Variants in BPIFB1 observed in about 807,000 individuals in gnomAD.
The protein encoded by BPIFB1 is BPI fold-containing family B member 1.
In BPIFB1, 34 loss-of-function variants were observed where a neutral mutation model predicts 55.1. The observed-to-expected ratio is 0.62, with a 90% CI of 0.47 to 0.82. The LOEUF is 0.82. Among genes scored for constraint, BPIFB1 ranks in the 40% least tolerant of loss-of-function variants. The pLI, the probability that BPIFB1 is intolerant of heterozygous loss-of-function variation, is 0.00. For missense variants in BPIFB1, 532 were observed against 593.1 expected (o/e 0.90, Z 1.07); for synonymous variants, 236 against 245.3 (o/e 0.96, Z 0.35).
At chr20:33,301,499 C>A in intron 9 of BPIFB1, 87 bp downstream of exon 9, 1 of 1,286,330 alleles carries the variant, frequency 7.8e-7, no homozygotes, top group Non-Finnish European at 1.1e-6. Flanking sequence ...AAGCAGGAAT[C>A]CTCCATCAGG....
At chr20:33,305,913 C>CTG in intron 13 of BPIFB1, 89 bp from the exon 14 acceptor site, 3 of 1,419,362 alleles carry the variant, frequency 2.1e-6, no homozygotes, top group Non-Finnish European at 2.0e-6. Flanking sequence ...GCCACCTCAC[C>CTG]CATGGGGAGG....
chr20:33,300,855 T>A (rs1026707937), intron 8 of BPIFB1, among the ~76,000 whole-genome samples: 3 of 152,194 alleles, frequency 2.0e-5, no homozygotes, highest in Non-Finnish European at 1.5e-5. Flanking sequence ...CCCAAAGTGC[T>A]AAGATTACAA....
Position 33,309,810 on chromosome 20 carries a change from G to C in BPIFB1, c.*43G>C. The C allele has an allele frequency of 6.4e-7, 1 of 1,560,154 alleles. No homozygotes were observed. Among genetic ancestry groups the C allele is most frequent in the Non-Finnish European group, 8.8e-7 (1 of 1,131,804 alleles). On this transcript the variant is annotated 3_prime_UTR_variant, in exon 16 of 16. Coordinates refer to ENST00000253354, the MANE Select transcript of BPIFB1 (RefSeq NM_033197.3). This position sits in a 1 kb window ranked among gnomAD's most constrained non-coding sequence, Gnocchi z 4.4. ...ATCAGGGAAGGCTGGGTCCCAGCTG[G>C]GAGTATGGGTGTGAGCTCTATAGAC...
rs1253466254 is a variant in BPIFB1, at chr20:33,299,798, C to T, written c.662-101C>T. On this transcript the variant is annotated intron_variant, in intron 7 of 15. Coordinates refer to ENST00000253354, the MANE Select transcript of BPIFB1 (RefSeq NM_033197.3). ...TATTACCTGCTCCTCCCTACCTGCCCCCCCATGCAACAGTACAGCTCCACC... is the reference window on the plus strand; with the variant it reads ...TATTACCTGCTCCTCCCTACCTGCCTCCCCATGCAACAGTACAGCTCCACC... The T allele has an allele frequency of 1.3e-5, 10 of 754,336 alleles. No individual in the cohort carries two copies. In the East Asian group the frequency reaches 2.0e-4, roughly 15 times the overall value. 46.7% of individuals were successfully genotyped at this position (754,336 alleles called of 1,614,324 possible).
chr20:33,291,612 A>G (rs758407879), intron 5 of BPIFB1, among the ~76,000 whole-genome samples: 3 of 152,116 alleles, frequency 2.0e-5, no homozygotes, highest in Non-Finnish European at 2.9e-5. Flanking sequence ...GGTGCCAAAA[A>G]ACATGGCGCC....
At chr20:33,291,200 G>A (rs1251035102) in intron 5 of BPIFB1, 94 bp downstream of exon 5, 1 of 1,470,198 alleles carries the variant, frequency 6.8e-7, no homozygotes, top group Non-Finnish European at 9.2e-7. Flanking sequence ...AGAACGCTGA[G>A]GCCTAGAGAA....
intron 7 of BPIFB1, chr20:33,298,706 G>T (rs534582061): frequency 6.5e-6 from 1 of 154,876 alleles, no homozygotes; most frequent in Admixed American, 6.5e-5. Flanking sequence ...AGTTCTGAGC[G>T]AGTGTCATTC....
chr20:33,286,087 G>A lies in BPIFB1; in HGVS notation c.14G>A (p.Trp5Ter), dbSNP rs1980257637. 1.2e-6 allele frequency: 2 copies of A among 1,614,042 alleles called. No homozygotes were observed. The highest frequency in any genetic ancestry group is 1.3e-5 in the African/African-American group (1 of 74,916). The change falls in exon 2 of 16, where the codon TGG becomes TAG. Residue 5 changes from tryptophan to a stop codon, truncating the protein, a stop_gained. Transcript: ENST00000253354. LOFTEE classifies it high-confidence loss of function. MAGP[W>*]TFTLLCGLLA... is the part of the protein sequence containing the mutation. ...ACACCTGGGAAGATGGCCGGCCCGT[G>A]GACCTTCACCCTTCTCTGTGGTTTG... is the stretch of plus-strand genomic sequence containing the variant.
At chr20:33,298,976 CT>C (rs35028429) in intron 7 of BPIFB1, 16,075 of 242,830 alleles carry the variant, frequency 0.066, 18 homozygotes, top group South Asian at 0.11. Context: ...CTTTAATATA[CT>C]TTTTTTTTTT....
intron 6 of BPIFB1, among the ~76,000 whole-genome samples, chr20:33,292,394 A>G (rs1600663934): frequency 6.6e-6 from 1 of 152,244 alleles, no homozygotes; most frequent in Middle Eastern, 3.2e-3. Flanking sequence ...ACACGATTGT[A>G]TATTTCCACT....
At chr20:33,297,478 G>A in intron 6 of BPIFB1, 47 bp from the exon 7 acceptor site, 1 of 1,602,246 alleles carries the variant, frequency 6.2e-7, no homozygotes, top group South Asian at 1.1e-5. Context: ...CTGTGGGGCT[G>A]CATTCTGGCC....
rs975429750 is a variant in BPIFB1, at chr20:33,290,958, C to T, written c.367C>T (p.Pro123Ser). 6.2e-7 allele frequency: 1 copy of T among 1,613,550 alleles called. No homozygotes were observed. Reference sequence around the variant, plus strand: ...TGGTCAGGTGCCTCCACCCGCTAGGCCCCTGGTCAAGACCATCGTGGAGTT... The same window carrying T: ...TGGTCAGGTGCCTCCACCCGCTAGGTCCCTGGTCAAGACCATCGTGGAGTT... ...PLDMVAGFNT[P>S]LVKTIVEFHM... The change falls in exon 5 of 16, where the codon CCC becomes TCC. Residue 123 changes from proline (P) to serine (S), a missense_variant and splice_region_variant. Physicochemically the swap from Pro to Ser is moderately conservative, Grantham distance 74. Coordinates refer to ENST00000253354, the MANE Select transcript of BPIFB1 (RefSeq NM_033197.3).
Position 33,288,820 on chromosome 20 carries a change from G to A in BPIFB1, c.195G>A (p.Lys65=), listed in dbSNP as rs763895083. 2.5e-6 allele frequency: 4 copies of A among 1,613,986 alleles called. No homozygotes were observed. In the East Asian group the frequency reaches 8.9e-5, roughly 36 times the overall value. ...QLPLLSAMRE[K]PAGGIPVLGS... ...CGCTGCTCAGTGCCATGCGGGAAAA[G>A]CCAGCCGGAGGCATCCCTGTGCTGG... Residue 65 remains lysine, a synonymous_variant, in exon 3 of 16, where the codon AAG becomes AAA. Transcript: ENST00000253354.
chr20:33,297,637 C>A (rs1297042955), intron 7 of BPIFB1, 49 bp downstream of exon 7: 1 of 1,597,972 alleles, frequency 6.3e-7, no homozygotes, highest in East Asian at 2.2e-5. Context: ...ACGGAGCTGG[C>A]CTCCAGACCC....
At chr20:33,290,615 TG>T (rs1225973487) in intron 4 of BPIFB1, among the ~76,000 whole-genome samples, 17 of 152,062 alleles carry the variant, frequency 1.1e-4, no homozygotes, top group African/African-American at 4.1e-4. Context: ...ACTGGCAGGA[TG>T]GAGTGGTCAG....
chr20:33,299,091 G>T (rs780243144), intron 7 of BPIFB1: 3 of 455,880 alleles, frequency 6.6e-6, no homozygotes, highest in South Asian at 4.6e-5. Context: ...GCCCTGGCGG[G>T]CACTATACCC....
At chr20:33,304,990 C>T in intron 13 of BPIFB1, 99 bp downstream of exon 13, 1 of 1,384,308 alleles carries the variant, frequency 7.2e-7, no homozygotes, top group Admixed American at 1.7e-5. Flanking sequence ...AACAAGGTCC[C>T]CACAGAAGCA....
At chr20:33,292,913 T>C (rs990626765) in intron 6 of BPIFB1, among the ~76,000 whole-genome samples, 97 of 152,372 alleles carry the variant, frequency 6.4e-4, no homozygotes, top group African/African-American at 2.1e-3. Flanking sequence ...CTTTTTTCTT[T>C]GATTTTTGTT....
chr20:33,301,335 G>A lies in BPIFB1; in HGVS notation c.850G>A (p.Val284Met), dbSNP rs6141383. 5.0e-4 allele frequency: 803 copies of A among 1,614,176 alleles called. 4 individuals are homozygous for A. The East Asian group carries it at 0.012, about 23-fold the overall frequency. Residue 284 changes from valine (V) to methionine (M), a missense_variant, in exon 9 of 16, where the codon GTG becomes ATG. Val to Met is a conservative substitution (Grantham distance 21). Coordinates refer to ENST00000253354, the MANE Select transcript of BPIFB1 (RefSeq NM_033197.3). ...TLDNIPFSLI[V>M]SQDVVKAAVA... ...GGACAACATCCCGTTCAGCCTCATCGTGAGTCAGGACGTGGTGAAAGCTGC... is the reference window on the plus strand; with the variant it reads ...GGACAACATCCCGTTCAGCCTCATCATGAGTCAGGACGTGGTGAAAGCTGC...
Sources: gnomAD v4.1 joint callset for allele counts (sites outside exome capture counted in the v4.1 genomes callset) on GRCh38, gnomAD v4.1.1 for gene constraint, Gnocchi (gnomAD v3.1) non-coding constraint, MANE v1.5 for transcripts, NCBI Gene and HGNC (gene_info 2026-07-23, HGNC 2026-07-21) for gene names.